Variants in STAB2 observed in about 807,000 individuals in gnomAD.
The protein encoded by STAB2 is stabilin-2.
Under a neutral mutation model 338.1 loss-of-function variants are expected in STAB2, and 288 were observed. That is an observed-to-expected ratio of 0.85 (90% CI 0.77 to 0.94). The LOEUF is 0.94. STAB2 is among the 40% of genes least tolerant of loss of function. The probability of loss-of-function intolerance (pLI) is 0.00; values close to 1 mark genes in which losing one functional copy is unlikely to be tolerated. For synonymous variants in STAB2, 1,202 were observed against 1,193.3 expected (o/e 1.01, Z -0.15); for missense variants, 3,141 against 3,210.1 (o/e 0.98, Z 0.52).
intron 65 of STAB2, among the ~76,000 whole-genome samples, chr12:103,760,924 A>C (rs1884487507): frequency 6.6e-6 from 1 of 152,202 alleles, no homozygotes; most frequent in Admixed American, 6.5e-5. Context: ...ACACTGGGAC[A>C]TCACTTAAAA....
intron 3 of STAB2, among the ~76,000 whole-genome samples, chr12:103,613,053 G>T (rs1957151238): frequency 6.6e-6 from 1 of 152,186 alleles, no homozygotes; most frequent in Non-Finnish European, 1.5e-5. Flanking sequence ...TAGAAGTTTT[G>T]TCTCAGAGGG....
At chr12:103,595,390 C>T (rs761772961) in intron 3 of STAB2, among the ~76,000 whole-genome samples, 7 of 151,688 alleles carry the variant, frequency 4.6e-5, no homozygotes, top group Non-Finnish European at 8.8e-5. Context: ...ATTATATACA[C>T]TTGTAAAGTT....
intron 63 of STAB2, chr12:103,757,909 C>T (rs1884254673): frequency 2.0e-6 from 1 of 488,880 alleles, no homozygotes; most frequent in Non-Finnish European, 3.7e-6. Flanking sequence ...ATTTGATGCA[C>T]CTTTCAAAGG....
chr12:103,758,099 G>T, intron 63 of STAB2, 71 bp from the exon 64 acceptor site: 1 of 1,601,474 alleles, frequency 6.2e-7, no homozygotes, highest in South Asian at 1.1e-5. Context: ...GATGCCCTGG[G>T]ACCTTCTTCA....
chr12:103,680,015 T>C (rs1876754926), intron 25 of STAB2, among the ~76,000 whole-genome samples: 1 of 152,160 alleles, frequency 6.6e-6, no homozygotes, highest in African/African-American at 2.4e-5. Flanking sequence ...CTAAGTGAAA[T>C]AAGCCAGAGA....
chr12:103,734,961 G>C (rs549394588), intron 51 of STAB2, among the ~76,000 whole-genome samples: 2 of 152,252 alleles, frequency 1.3e-5, no homozygotes, highest in South Asian at 2.1e-4. Flanking sequence ...GTGCCTTCAC[G>C]TAGCATTTGC....
rs1486265586 is a variant in STAB2, at chr12:103,766,318, C to G, written c.7638C>G (p.Asp2546Glu). Residue 2546 changes from aspartate to glutamate, a missense_variant, in exon 69 of 69, where the codon GAC becomes GAG. Transcript: ENST00000388887. ...AAGAACGGCAGCTTGAGGGCAATGACCCCTTGAGGACACTGTGAGGGCCTG... is the reference window on the plus strand; with the variant it reads ...AAGAACGGCAGCTTGAGGGCAATGAGCCCTTGAGGACACTGTGAGGGCCTG... ...DSEERQLEGN[D>E]PLRTL 6 of 1,613,668 alleles carry G rather than the reference C, an allele frequency of 3.7e-6. No individual in the cohort carries two copies. Among genetic ancestry groups the G allele is most frequent in the South Asian group, 1.1e-5 (1 of 91,036 alleles).
intron 58 of STAB2, 28 bp from the exon 59 acceptor site, chr12:103,748,935 T>C: frequency 1.3e-6 from 2 of 1,598,738 alleles, no homozygotes; most frequent in Non-Finnish European, 1.7e-6. Flanking sequence ...AGGTGGTAAG[T>C]TGAGCCCTCT....
rs188357777 is a variant in STAB2, at chr12:103,716,349, G to A, written c.4611+461G>A. Among the ~76,000 whole-genome samples the A allele has an allele frequency of 3.3e-5, 5 of 152,258 alleles. No individual in the cohort carries two copies. In the East Asian group the frequency reaches 9.6e-4, roughly 29 times the overall value. The stretch of plus-strand genomic sequence containing the variant: ...CTGGAGAGCAGGCTGGGGGAGGTGG[G>A]GAAAACATGAGAGCAACCGCATCAG... On this transcript the variant is annotated intron_variant, in intron 43 of 68. Transcript: ENST00000388887.
chr12:103,691,866 A>G (rs1877964481), intron 30 of STAB2, among the ~76,000 whole-genome samples: 1 of 140,444 alleles, frequency 7.1e-6, no homozygotes, highest in African/African-American at 2.6e-5. Flanking sequence ...AGAGGAGAGG[A>G]AACCAGAAAG....
rs539404445 is a variant in STAB2 at position 103,650,563 on chromosome 12, A to T, written c.1242A>T (p.Gly414=). 1.2e-6 allele frequency: 2 copies of T among 1,612,970 alleles called. No homozygotes were observed. Among genetic ancestry groups the T allele is most frequent in the East Asian group, 4.5e-5 (2 of 44,854 alleles). ...PFTVLLPTDK[G]LKGFNVNELL... is the part of the protein sequence containing the mutation. ...CGGTGCTGTTACCTACAGACAAGGG[A>T]CTGAAAGGATTCAATGTGAGTATTT... The change falls in exon 11 of 69, where the codon GGA becomes GGT. Residue 414 remains glycine (G), a synonymous_variant. Coordinates refer to ENST00000388887, the MANE Select transcript of STAB2 (RefSeq NM_017564.10).
At chr12:103,733,998 G>A (rs541534522) in intron 51 of STAB2, among the ~76,000 whole-genome samples, 15 of 147,884 alleles carry the variant, frequency 1.0e-4, no homozygotes, top group East Asian at 6.1e-4. Context: ...GAGCAAGCAC[G>A]ACCATATAGG....
At chr12:103,696,105 T>G (rs1051997508) in intron 33 of STAB2, among the ~76,000 whole-genome samples, 2 of 151,994 alleles carry the variant, frequency 1.3e-5, no homozygotes, top group African/African-American at 2.4e-5. Flanking sequence ...GGGTGTGGTG[T>G]TGGTGTGTAT....
At chr12:103,724,932 ACTGGT>A in intron 44 of STAB2, 38 bp from the exon 45 acceptor site, 1 of 1,590,520 alleles carries the variant, frequency 6.3e-7, no homozygotes, top group East Asian at 2.3e-5. Flanking sequence ...TGGCAAACTA[ACTGGT>A]CTAATCCCCA....
At chr12:103,736,236 G>A (rs963402645) in intron 52 of STAB2, among the ~76,000 whole-genome samples, 11 of 152,130 alleles carry the variant, frequency 7.2e-5, no homozygotes, top group Non-Finnish European at 1.3e-4. Flanking sequence ...TGCAGCACAC[G>A]GTTCAAGCCT....
intron 3 of STAB2, among the ~76,000 whole-genome samples, chr12:103,606,791 T>C (rs944123933): frequency 6.6e-6 from 1 of 152,162 alleles, no homozygotes; most frequent in Non-Finnish European, 1.5e-5. Flanking sequence ...AAGACCATCC[T>C]GGCTAACATG....
At chr12:103,596,190 A>G (rs1015423073) in intron 3 of STAB2, among the ~76,000 whole-genome samples, 2 of 152,208 alleles carry the variant, frequency 1.3e-5, no homozygotes, top group African/African-American at 4.8e-5. Context: ...GATCATGTCT[A>G]GTTCTCATAG....
Position 103,688,149 on chromosome 12 carries a change from C to G in STAB2, c.2998-19C>G, listed in dbSNP as rs1341637798. On this transcript the variant is annotated intron_variant, in intron 27 of 68. Transcript: ENST00000388887. ...TTCTCTCCCATCTCTTCTTCCCTCC[C>G]TTGCATGATATGAATAAGGAATTGT... 6.2e-7 allele frequency: 1 copy of G among 1,611,902 alleles called. No homozygotes were observed. Among genetic ancestry groups the G allele is most frequent in the African/African-American group, 1.3e-5 (1 of 74,836 alleles).
intron 34 of STAB2, among the ~76,000 whole-genome samples, chr12:103,701,891 T>C (rs1878903976): frequency 2.0e-5 from 3 of 151,906 alleles, no homozygotes; most frequent in East Asian, 1.9e-4. Context: ...GTAACATGGA[T>C]TTCTGGGATA....
Sources: gnomAD v4.1 joint callset for allele counts (sites outside exome capture counted in the v4.1 genomes callset) on GRCh38, gnomAD v4.1.1 for gene constraint, MANE v1.5 for transcripts, NCBI Gene and HGNC (gene_info 2026-07-23, HGNC 2026-07-21) for gene names.